GADL1: variants seen among roughly 807,000 people sequenced by gnomAD.
GADL1 encodes the protein acidic amino acid decarboxylase GADL1.
In GADL1, 71 loss-of-function variants were observed where a neutral mutation model predicts 69.5. That is an observed-to-expected ratio of 1.02 (90% confidence interval 0.84 to 1.25). The LOEUF (loss-of-function observed/expected upper bound fraction) is 1.25. Ranked by LOEUF, GADL1 falls within the 50% of genes most tolerant of loss-of-function variation. The pLI is 0.00. For missense variants in GADL1, 737 were observed against 631.8 expected (o/e 1.17, Z -1.79); for synonymous variants, 254 against 214.4 (o/e 1.18, Z -1.62).
At chr3:30,771,689 A>G (rs2125492560) in intron 14 of GADL1, among the ~76,000 whole-genome samples, 1 of 152,342 alleles carries the variant, frequency 6.6e-6, no homozygotes, top group African/African-American at 2.4e-5. Context: ...AAAGTGCTGC[A>G]CCTTTAAAGA....
chr3:30,890,440 G>A (rs564154069), intron 1 of GADL1, among the ~76,000 whole-genome samples: 2 of 152,276 alleles, frequency 1.3e-5, no homozygotes, highest in East Asian at 3.9e-4. Context: ...GGGCAATACA[G>A]CCTTTACCAA....
At position 30,771,561 on chromosome 3, in the gene GADL1, A is replaced by AT. The variant is rs1341563804; in HGVS notation, c.1392+6617dup. The stretch of plus-strand genomic sequence containing the variant: ...TTGATATTAGACTCTTTAAACATAA[A>AT]TTTTAAAGTACAGCTTGAAAGCGAG... On this transcript the variant is annotated intron_variant, in intron 14 of 14. Coordinates refer to ENST00000282538, the MANE Select transcript of GADL1 (RefSeq NM_207359.3). Among the ~76,000 whole-genome samples the AT allele has an allele frequency of 6.6e-5, 10 of 152,218 alleles. No individual in the cohort carries two copies. In the South Asian group the frequency reaches 2.1e-3, roughly 32 times the overall value.
At chr3:30,881,461 A>G (rs1263691509) in intron 1 of GADL1, among the ~76,000 whole-genome samples, 1 of 151,952 alleles carries the variant, frequency 6.6e-6, no homozygotes, top group East Asian at 1.9e-4. Context: ...TAAATGCAAT[A>G]CACAAAAGCA....
chr3:30,826,758 C>G (rs1324442130), intron 11 of GADL1, among the ~76,000 whole-genome samples: 2 of 151,084 alleles, frequency 1.3e-5, no homozygotes, highest in African/African-American at 2.5e-5. Context: ...TGTCCAGTCT[C>G]CAATAAAAGA....
intron 14 of GADL1, among the ~76,000 whole-genome samples, chr3:30,763,738 T>G (rs1329937730): frequency 1.3e-5 from 2 of 151,986 alleles, no homozygotes; most frequent in African/African-American, 2.4e-5. Context: ...AGTTGAAAAA[T>G]CCTTAGGTCT....
At position 30,811,642 on chromosome 3, in the gene GADL1, C is replaced by A. The variant is rs545565009; in HGVS notation, c.1051-10554G>T. 2.0e-5 allele frequency among the ~76,000 whole-genome samples: 3 copies of A among 152,254 alleles called. No individual in the cohort carries two copies. The East Asian group carries it at 5.8e-4, about 29-fold the overall frequency. ...TTTCATGGAATAGTACACATTATTA[C>A]CACATGGAGTGCATACTGATTTTTT... On this transcript the variant is annotated intron_variant, in intron 11 of 14. Coordinates refer to ENST00000282538, the MANE Select transcript of GADL1 (RefSeq NM_207359.3).
rs1698240086 is a variant in GADL1, at chr3:30,857,079, T to G, written c.273A>C (p.Ser91=). ...CCAATAGTTTATGGGGTGGCTCGCC[T>G]GAGTCTCTCATCTCCAAATCAAGAA... ...KQLLDLEMRD[S]GEPPHKLLEL... is the part of the protein sequence containing the mutation. Residue 91 remains serine, a synonymous_variant, in exon 3 of 15, where the codon TCA becomes TCC. Transcript: ENST00000282538. The G allele has an allele frequency of 6.5e-7, 1 of 1,549,862 alleles. No homozygotes were observed. Among genetic ancestry groups the G allele is most frequent in the Admixed American group, 2.0e-5 (1 of 50,948 alleles).
At chr3:30,826,610 C>T (rs1350117170) in intron 11 of GADL1, among the ~76,000 whole-genome samples, 3 of 151,842 alleles carry the variant, frequency 2.0e-5, no homozygotes, top group Non-Finnish European at 2.9e-5. Context: ...AATTGGGAGA[C>T]CGTTGGCCAA....
chr3:30,879,129 T>A (rs1698612430), intron 1 of GADL1, among the ~76,000 whole-genome samples: 1 of 151,848 alleles, frequency 6.6e-6, no homozygotes, highest in African/African-American at 2.4e-5. Context: ...CTTGTCTACA[T>A]CTTTAGAGCA....
intron 8 of GADL1, among the ~76,000 whole-genome samples, chr3:30,840,017 T>C (rs958486855): frequency 1.3e-5 from 2 of 152,072 alleles, no homozygotes; most frequent in African/African-American, 4.8e-5. Context: ...TGCAGACAAA[T>C]GTGGGGGTGA....
chr3:30,862,860 A>G (rs76332598), intron 1 of GADL1, among the ~76,000 whole-genome samples: 3,590 of 152,122 alleles, frequency 0.024, 54 homozygotes, highest in Non-Finnish European at 0.037. Flanking sequence ...ACTAGATTAC[A>G]AAGTTTACAC....
At chr3:30,780,873 G>A (rs1320866330) in intron 13 of GADL1, among the ~76,000 whole-genome samples, 1 of 152,122 alleles carries the variant, frequency 6.6e-6, no homozygotes, top group African/African-American at 2.4e-5. Flanking sequence ...AAAATTAAGA[G>A]TTGAAAAAGT....
chr3:30,849,570 A>G (rs905930731), intron 6 of GADL1, among the ~76,000 whole-genome samples: 1 of 151,926 alleles, frequency 6.6e-6, no homozygotes, highest in East Asian at 1.9e-4. Context: ...TTTCATTGTT[A>G]CTGTATATCT....
chr3:30,812,280 C>T (rs1372881617), intron 11 of GADL1, among the ~76,000 whole-genome samples: 2 of 152,242 alleles, frequency 1.3e-5, no homozygotes, highest in Non-Finnish European at 1.5e-5. Context: ...GAACCCTAAC[C>T]TATTCAACCT....
At chr3:30,761,143 A>G (rs933310245) in intron 14 of GADL1, among the ~76,000 whole-genome samples, 3 of 152,212 alleles carry the variant, frequency 2.0e-5, no homozygotes, top group Non-Finnish European at 4.4e-5. Context: ...AAATCTTTAT[A>G]TTGTATGCTT....
At chr3:30,861,541 G>A (rs1388475761) in intron 2 of GADL1, 52 bp downstream of exon 2, 3 of 1,349,356 alleles carry the variant, frequency 2.2e-6, no homozygotes, top group Non-Finnish European at 2.0e-6. Context: ...ACTGATTTGG[G>A]GAACATCTAT....
intron 14 of GADL1, among the ~76,000 whole-genome samples, chr3:30,771,557 AT>A (rs1696420062): frequency 6.6e-6 from 1 of 152,218 alleles, no homozygotes; most frequent in African/African-American, 2.4e-5. Context: ...CTCTTTAAAC[AT>A]AAATTTTAAA....
At chr3:30,754,517 G>T (rs1321271208) in intron 14 of GADL1, among the ~76,000 whole-genome samples, 1 of 152,110 alleles carries the variant, frequency 6.6e-6, no homozygotes. Context: ...CAAGAATATG[G>T]AGTCCAAATT....
chr3:30,770,721 A>C (rs1559494796), intron 14 of GADL1, among the ~76,000 whole-genome samples: 1 of 152,198 alleles, frequency 6.6e-6, no homozygotes, highest in Admixed American at 6.5e-5. Context: ...CTCAGCCTGC[A>C]GAAATGCCAG....
Sources: allele counts gnomAD v4.1 joint callset (sites outside exome capture counted in the v4.1 genomes callset), GRCh38; gene constraint gnomAD v4.1.1; transcripts MANE v1.5; gene names NCBI Gene and HGNC (gene_info 2026-07-23, HGNC 2026-07-21).